RALGAPA2: variants seen among roughly 807,000 people sequenced by gnomAD.
The protein encoded by RALGAPA2 is ral GTPase-activating protein subunit alpha-2.
In RALGAPA2, 139 loss-of-function variants were observed where a neutral mutation model predicts 230.4. That is an observed-to-expected ratio of 0.60 (90% CI 0.53 to 0.69). RALGAPA2 has a LOEUF of 0.69. Among genes scored for constraint, RALGAPA2 ranks in the 30% least tolerant of loss-of-function variants. RALGAPA2 has a pLI of 0.00. For missense variants in RALGAPA2, 2,163 were observed against 2,276.0 expected, an observed-to-expected ratio of 0.95 and a Z score of 1.01; for synonymous variants, 847 against 837.8, an observed-to-expected ratio of 1.01 and a Z score of -0.19.
intron 1 of RALGAPA2, among the ~76,000 whole-genome samples, chr20:20,692,326 AC>A (rs1366621169): frequency 6.6e-6 from 1 of 152,218 alleles, no homozygotes; most frequent in Non-Finnish European, 1.5e-5. Context: ...ATTTATCATA[AC>A]TGACCATTTA....
chr20:20,506,484 T>C (rs1239304686), intron 33 of RALGAPA2, among the ~76,000 whole-genome samples: 1 of 152,200 alleles, frequency 6.6e-6, no homozygotes, highest in Non-Finnish European at 1.5e-5. Context: ...AACACTGTTC[T>C]TATTCAAACG....
chr20:20,430,955 C>CA (rs2060489405), intron 37 of RALGAPA2, among the ~76,000 whole-genome samples: 1 of 151,898 alleles, frequency 6.6e-6, no homozygotes, highest in Admixed American at 6.6e-5. Flanking sequence ...TCCCAGCATA[C>CA]TACTGATATG....
chr20:20,442,899 T>C (rs955415853), intron 37 of RALGAPA2, among the ~76,000 whole-genome samples: 1 of 152,248 alleles, frequency 6.6e-6, no homozygotes, highest in African/African-American at 2.4e-5. Flanking sequence ...ATTTCATTTT[T>C]CACATAAATG....
intron 34 of RALGAPA2, chr20:20,505,027 A>T: frequency 1.0e-6 from 1 of 984,948 alleles, no homozygotes; most frequent in Non-Finnish European, 1.2e-6. Context: ...ACTTCATCCA[A>T]CTCTTTCTTC....
intron 39 of RALGAPA2, among the ~76,000 whole-genome samples, chr20:20,394,537 G>A (rs1262449074): frequency 2.0e-5 from 3 of 152,100 alleles, no homozygotes; most frequent in Non-Finnish European, 2.9e-5. Flanking sequence ...CTACTTGGGA[G>A]GCTGAGGTGA....
intron 37 of RALGAPA2, among the ~76,000 whole-genome samples, chr20:20,436,392 A>C (rs2060613049): frequency 6.6e-6 from 1 of 152,226 alleles, no homozygotes; most frequent in Non-Finnish European, 1.5e-5. Flanking sequence ...CAGATAAAAC[A>C]ATTTAATAGG....
At chr20:20,571,399 A>C in intron 23 of RALGAPA2, 59 bp downstream of exon 23, 9 of 1,495,444 alleles carry the variant, frequency 6.0e-6, no homozygotes, top group Non-Finnish European at 8.2e-6. Flanking sequence ...TAATGTCTTT[A>C]AAGAGTGATA....
intron 37 of RALGAPA2, among the ~76,000 whole-genome samples, chr20:20,443,113 A>C (rs2060776161): frequency 6.6e-6 from 1 of 152,268 alleles, no homozygotes; most frequent in Admixed American, 6.5e-5. Flanking sequence ...AAAGAAAGGC[A>C]TTAATATCCA....
chr20:20,428,795 C>A (rs1251738751), intron 37 of RALGAPA2, among the ~76,000 whole-genome samples: 1 of 141,298 alleles, frequency 7.1e-6, no homozygotes, highest in Non-Finnish European at 1.5e-5. Flanking sequence ...TACTCACCAA[C>A]CCTTCCATCT....
intron 33 of RALGAPA2, 56 bp from the exon 34 acceptor site, chr20:20,505,590 A>G: frequency 7.1e-7 from 1 of 1,404,654 alleles, no homozygotes; most frequent in Non-Finnish European, 9.6e-7. Flanking sequence ...ATTTTACTTC[A>G]CTACTATTAA....
In RALGAPA2 at chr20:20,620,629, G is replaced by A; in HGVS notation, c.1235C>T (p.Ala412Val). 1.9e-6 allele frequency: 3 copies of A among 1,605,682 alleles called. No homozygotes were observed. Among genetic ancestry groups the A allele is most frequent in the Non-Finnish European group, 2.5e-6 (3 of 1,176,506 alleles). ...TATCTCACAGGAAGGCAACAAAAATGCCTGAAAGGAAAAGAGAAAACTCCC... is the reference window on the plus strand; with the variant it reads ...TATCTCACAGGAAGGCAACAAAAATACCTGAAAGGAAAAGAGAAAACTCCC... The part of the protein sequence containing the change: ...VNFVNEVFHQ[A>V]FLLPSCEIAV... Residue 412 changes from alanine (A) to valine (V), a missense_variant and splice_region_variant, in exon 11 of 40, where the codon GCA (alanine) becomes GTA (valine). By Grantham distance (64) the Ala-to-Val change is moderately conservative. Coordinates refer to ENST00000202677, the MANE Select transcript of RALGAPA2 (RefSeq NM_020343.4).
intron 35 of RALGAPA2, among the ~76,000 whole-genome samples, chr20:20,497,077 C>T (rs1405875346): frequency 6.6e-6 from 1 of 152,206 alleles, no homozygotes; most frequent in Admixed American, 6.5e-5. Flanking sequence ...CTCCTTCCCA[C>T]ATAAAAGTAA....
At chr20:20,452,528 G>A (rs1003663087) in intron 37 of RALGAPA2, among the ~76,000 whole-genome samples, 3 of 152,202 alleles carry the variant, frequency 2.0e-5, no homozygotes, top group Non-Finnish European at 2.9e-5. Context: ...TCCCGGCGGC[G>A]AGGACAGGAA....
intron 3 of RALGAPA2, among the ~76,000 whole-genome samples, chr20:20,655,714 GAC>G: frequency 6.6e-6 from 1 of 152,286 alleles, no homozygotes; most frequent in East Asian, 1.9e-4. Context: ...AGGGGAGGTA[GAC>G]ACAGTCACTA....
intron 37 of RALGAPA2, among the ~76,000 whole-genome samples, chr20:20,458,691 T>C (rs2061199322): frequency 7.5e-6 from 1 of 133,996 alleles, no homozygotes; most frequent in South Asian, 2.3e-4. Context: ...TATATAGACC[T>C]ATATATATAT....
chr20:20,433,200 CTATGAAGAAAG>C (rs2060534963), intron 37 of RALGAPA2, among the ~76,000 whole-genome samples: 1 of 152,144 alleles, frequency 6.6e-6, no homozygotes, highest in African/African-American at 2.4e-5. Context: ...TCACAAAATC[CTATGAAGAAAG>C]TATTGTTACT....
chr20:20,577,969 G>A (rs944208168), intron 20 of RALGAPA2, among the ~76,000 whole-genome samples: 2 of 152,068 alleles, frequency 1.3e-5, no homozygotes, highest in Non-Finnish European at 2.9e-5. Flanking sequence ...ATCATCACCT[G>A]CACCTCTTTT....
At chr20:20,629,161 A>T (rs1048117820) in intron 10 of RALGAPA2, among the ~76,000 whole-genome samples, 1 of 152,212 alleles carries the variant, frequency 6.6e-6, no homozygotes, top group African/African-American at 2.4e-5. Flanking sequence ...TTGCAACAAC[A>T]AAATTTAAAA....
At chr20:20,649,607 T>C (rs569780284) in intron 4 of RALGAPA2, among the ~76,000 whole-genome samples, 1 of 152,308 alleles carries the variant, frequency 6.6e-6, no homozygotes, top group East Asian at 1.9e-4. Flanking sequence ...CTAGGGATTA[T>C]TCATTTTTAA....
Sources: allele counts gnomAD v4.1 joint callset (sites outside exome capture counted in the v4.1 genomes callset), GRCh38; gene constraint gnomAD v4.1.1; transcripts MANE v1.5; gene names NCBI Gene and HGNC (gene_info 2026-07-23, HGNC 2026-07-21).